The following C5orf63 variants were observed in gnomAD, a reference collection of about 807,000 sequenced individuals.
C5orf63 encodes the protein glutaredoxin-like protein C5orf63.
A neutral mutation model predicts 13.3 loss-of-function variants in C5orf63; 18 were observed. The ratio of observed to expected loss-of-function variants is 1.36; its 90% CI spans 0.94 to 2.01. The LOEUF (loss-of-function observed/expected upper bound fraction) is 2.01, where lower values mean the gene tolerates loss of function less well. C5orf63 is among the 30% of genes most tolerant of loss of function. The probability of loss-of-function intolerance (pLI) is 0.00; values close to 1 mark genes in which losing one functional copy is unlikely to be tolerated. For synonymous variants in C5orf63, 38 were observed against 44.7 expected, an observed-to-expected ratio of 0.85 and a Z score of 0.60; for missense variants, 118 against 127.7, an observed-to-expected ratio of 0.92 and a Z score of 0.36.
intron 3 of C5orf63, among the ~76,000 whole-genome samples, chr5:127,058,311 G>A (rs1753966680): frequency 6.6e-6 from 1 of 152,180 alleles, no homozygotes; most frequent in Non-Finnish European, 1.5e-5. Context: ...CTGTTCCTGT[G>A]TTAATTTGCT....
chr5:127,052,314 T>C (rs1365306393), intron 4 of C5orf63: 1 of 336,394 alleles, frequency 3.0e-6, no homozygotes, highest in Non-Finnish European at 5.3e-6. Context: ...CAGTGCAAAC[T>C]GCAAAACAAG....
chr5:127,061,385 C>T (rs1026324292), intron 2 of C5orf63, among the ~76,000 whole-genome samples: 1 of 152,188 alleles, frequency 6.6e-6, no homozygotes, highest in African/African-American at 2.4e-5. Flanking sequence ...AGACTGGATA[C>T]TGATCCATGA....
chr5:127,072,786 G>A lies in C5orf63; in HGVS notation c.-110+665C>T, dbSNP rs188401640. ...CCTAACTCACAATGACATTTTAGTG[G>A]GGACTTTTCTACCCTTGGACTTATT... On this transcript the variant is annotated intron_variant, in intron 1 of 4. Coordinates refer to ENST00000296662, the MANE Select transcript of C5orf63 (RefSeq NM_001164478.2). Among the ~76,000 whole-genome samples, 5 of 152,262 alleles carry A rather than the reference G, an allele frequency of 3.3e-5. No individual in the cohort carries two copies. The East Asian group carries it at 9.7e-4, about 29-fold the overall frequency.
chr5:127,049,467 C>T (rs143145155), downstream of C5orf63, among the ~76,000 whole-genome samples: 171 of 152,320 alleles, frequency 1.1e-3, 1 homozygote, highest in African/African-American at 3.8e-3. Context: ...GTCTAATTTT[C>T]TGTGAATCAT....
chr5:127,070,082 A>C (rs945789254), intron 2 of C5orf63, among the ~76,000 whole-genome samples: 1 of 152,146 alleles, frequency 6.6e-6, no homozygotes, highest in African/African-American at 2.4e-5. Flanking sequence ...ATTTTGTATA[A>C]GGCTTAATTT....
downstream of C5orf63, chr5:127,047,643 T>C (rs1358553779): frequency 5.8e-6 from 4 of 695,276 alleles, no homozygotes; most frequent in African/African-American, 7.0e-5. Flanking sequence ...TCTCCCTCTA[T>C]TCCTATATAT....
rs921194752 is a variant in C5orf63 at position 127,052,564 on chromosome 5, C to T, written c.171+49G>A. ...GGATCCAGGCAGATACTTTATACCA[C>T]ATCTAATATGCAATCCATATACATA... On this transcript the variant is annotated intron_variant, in intron 4 of 4. Transcript: ENST00000296662. 8 of 1,247,182 alleles carry T rather than the reference C, an allele frequency of 6.4e-6. No individual in the cohort carries two copies. The East Asian group carries it at 2.0e-4, about 31-fold the overall frequency. The allele number at this position is 1,247,182 out of a possible 1,614,324, so 77.3% of individuals were successfully genotyped here. A position where few individuals can be genotyped will look rare whatever the true frequency, so the allele number is the denominator to read the frequency against.
At chr5:127,057,667 T>C (rs1343008822) in intron 3 of C5orf63, among the ~76,000 whole-genome samples, 1 of 152,236 alleles carries the variant, frequency 6.6e-6, no homozygotes, top group Non-Finnish European at 1.5e-5. Flanking sequence ...TGCACATGCA[T>C]AGACTGGTGA....
chr5:127,060,236 T>C (rs1343576753), intron 2 of C5orf63, among the ~76,000 whole-genome samples: 1 of 152,154 alleles, frequency 6.6e-6, no homozygotes, highest in African/African-American at 2.4e-5. Context: ...AAAAATCTAC[T>C]CAACTCCTTA....
At chr5:127,063,515 A>C (rs1754187727) in intron 2 of C5orf63, among the ~76,000 whole-genome samples, 1 of 152,214 alleles carries the variant, frequency 6.6e-6, no homozygotes, top group Non-Finnish European at 1.5e-5. Flanking sequence ...ACTGCCCTTC[A>C]CCGACCAGAA....
At chr5:127,059,037 G>A in intron 2 of C5orf63, 35 bp from the exon 3 acceptor site, 1 of 1,238,804 alleles carries the variant, frequency 8.1e-7, no homozygotes, top group African/African-American at 1.5e-5. Context: ...AAACTTATGT[G>A]CCCTAGACTT....
At chr5:127,057,237 A>G (rs1753918474) in intron 3 of C5orf63, among the ~76,000 whole-genome samples, 1 of 152,242 alleles carries the variant, frequency 6.6e-6, no homozygotes, top group South Asian at 2.1e-4. Flanking sequence ...CAATAAATTC[A>G]TTTTTAAAAC....
intron 4 of C5orf63, 59 bp from the exon 5 acceptor site, chr5:127,052,006 C>T: frequency 1.6e-6 from 2 of 1,240,748 alleles, no homozygotes; most frequent in Non-Finnish European, 2.1e-6. Context: ...GTAACAACTG[C>T]AGTGATAAAC....
At chr5:127,053,442 T>C (rs1481106495) in intron 3 of C5orf63, among the ~76,000 whole-genome samples, 1 of 151,976 alleles carries the variant, frequency 6.6e-6, no homozygotes, top group Non-Finnish European at 1.5e-5. Context: ...ATATTATACC[T>C]TTTTATTATA....
At chr5:127,044,793 T>C (rs1029588096), downstream of C5orf63, 1 of 151,838 alleles carries the variant, frequency 6.6e-6, no homozygotes, top group Non-Finnish European at 1.5e-5. Flanking sequence ...TTTTTCCTTT[T>C]TCTGGAGAAC....
chr5:127,060,440 T>C (rs1354230657), intron 2 of C5orf63, among the ~76,000 whole-genome samples: 1 of 152,254 alleles, frequency 6.6e-6, no homozygotes, highest in Non-Finnish European at 1.5e-5. Context: ...ACAGTCATTC[T>C]GTTTAATCCT....
In C5orf63 at chr5:127,051,744, G is replaced by C; in HGVS notation, c.*27C>G. On this transcript the variant is annotated 3_prime_UTR_variant, in exon 5 of 5. Transcript: ENST00000296662. ...CTTAGGAAGATGCTTTATGGGAAGA[G>C]AGGGTGGAAAATCATGAGGGCATCA... 2 of 1,468,954 alleles carry C rather than the reference G, an allele frequency of 1.4e-6. No homozygotes were observed. The highest frequency in any genetic ancestry group is 1.8e-6 in the Non-Finnish European group (2 of 1,114,646). The allele number at this position is 1,468,954 out of a possible 1,614,324, so 91.0% of individuals were successfully genotyped here. A position where few individuals can be genotyped will look rare whatever the true frequency, so the allele number is the denominator to read the frequency against.
downstream of C5orf63, among the ~76,000 whole-genome samples, chr5:127,049,860 C>A (rs1310103610): frequency 6.6e-6 from 1 of 152,136 alleles, no homozygotes; most frequent in Non-Finnish European, 1.5e-5. Flanking sequence ...CGTTGGGGAT[C>A]CTCTTCTAAG....
At chr5:127,062,188 C>T (rs1754135291) in intron 2 of C5orf63, among the ~76,000 whole-genome samples, 2 of 152,182 alleles carry the variant, frequency 1.3e-5, no homozygotes, top group Admixed American at 6.5e-5. Flanking sequence ...AGCAGAGTTG[C>T]TATTCATTCC....
Sources: gnomAD v4.1 joint callset for allele counts (sites outside exome capture counted in the v4.1 genomes callset) on GRCh38, gnomAD v4.1.1 for gene constraint, MANE v1.5 for transcripts, NCBI Gene and HGNC (gene_info 2026-07-23, HGNC 2026-07-21) for gene names.